Variants in PLCB4 observed in about 807,000 individuals in gnomAD.
PLCB4 encodes the protein phospholipase C beta 4.
A neutral mutation model predicts 178.8 loss-of-function variants in PLCB4; 77 were observed. The observed-to-expected ratio is 0.43, with a 90% CI of 0.36 to 0.52. PLCB4 has a LOEUF of 0.52. Among genes scored for constraint, PLCB4 ranks in the 20% least tolerant of loss-of-function variants. PLCB4 has a pLI of 0.00. For missense variants in PLCB4, 1,024 were observed against 1,453.4 expected (o/e 0.70, Z 4.80); for synonymous variants, 496 against 490.8 (o/e 1.01, Z -0.14).
At chr20:9,232,710 G>A (rs908471081) in intron 3 of PLCB4, among the ~76,000 whole-genome samples, 1 of 152,086 alleles carries the variant, frequency 6.6e-6, no homozygotes, top group Non-Finnish European at 1.5e-5. Context: ...TAGATCATAT[G>A]TTTATGTCAA....
intron 14 of PLCB4, among the ~76,000 whole-genome samples, chr20:9,386,537 T>G (rs1381435806): frequency 1.3e-5 from 2 of 152,140 alleles, no homozygotes; most frequent in Non-Finnish European, 2.9e-5. Context: ...ATTAACTGTC[T>G]TACTACTTCC....
chr20:9,097,452 G>A (rs890710005), intron 2 of PLCB4, among the ~76,000 whole-genome samples: 3 of 151,782 alleles, frequency 2.0e-5, no homozygotes, highest in Non-Finnish European at 2.9e-5. Flanking sequence ...GAGATTTGGG[G>A]GGTGTTTTAA....
chr20:9,256,113 C>A (rs1159277898), intron 3 of PLCB4, among the ~76,000 whole-genome samples: 6 of 152,076 alleles, frequency 3.9e-5, no homozygotes, highest in Non-Finnish European at 7.4e-5. Context: ...TCTGGAGGGG[C>A]AACTAAGGTT....
chr20:9,182,109 G>A (rs886588147), intron 2 of PLCB4, among the ~76,000 whole-genome samples: 8 of 152,192 alleles, frequency 5.3e-5, no homozygotes, highest in African/African-American at 1.9e-4. Context: ...CAAAAAATAA[G>A]TTTTGTATAA....
chr20:9,142,071 G>A (rs2092503908), intron 2 of PLCB4, among the ~76,000 whole-genome samples: 1 of 152,096 alleles, frequency 6.6e-6, no homozygotes, highest in South Asian at 2.1e-4. Flanking sequence ...GCAAGCAGAG[G>A]AAGTCATATC....
intron 7 of PLCB4, among the ~76,000 whole-genome samples, chr20:9,343,452 TA>T (rs2033459591): frequency 6.6e-6 from 1 of 152,180 alleles, no homozygotes; most frequent in African/African-American, 2.4e-5. Context: ...TAAGAGTCAA[TA>T]AAATATTATC....
chr20:9,249,056 C>G (rs1395798517), intron 3 of PLCB4, among the ~76,000 whole-genome samples: 1 of 152,162 alleles, frequency 6.6e-6, no homozygotes, highest in Admixed American at 6.5e-5. Flanking sequence ...GTCTTTCTTA[C>G]AATGTCATCT....
At chr20:9,400,454 T>C (rs1224158454) in intron 19 of PLCB4, among the ~76,000 whole-genome samples, 2 of 152,198 alleles carry the variant, frequency 1.3e-5, no homozygotes, top group Non-Finnish European at 2.9e-5. Context: ...TCATTCTCCT[T>C]TGTACTTTTA....
intron 36 of PLCB4, among the ~76,000 whole-genome samples, chr20:9,469,365 T>C (rs2044026218): frequency 6.6e-6 from 1 of 152,230 alleles, no homozygotes; most frequent in Non-Finnish European, 1.5e-5. Flanking sequence ...TGTCAGTCCG[T>C]TCTGGATGGG....
chr20:9,416,552 C>T (rs1465447086), intron 25 of PLCB4, among the ~76,000 whole-genome samples: 1 of 152,178 alleles, frequency 6.6e-6, no homozygotes, highest in Non-Finnish European at 1.5e-5. Context: ...GGGCTTCCCT[C>T]GGAGATGCAG....
intron 2 of PLCB4, among the ~76,000 whole-genome samples, chr20:9,110,045 T>A (rs930583763): frequency 1.1e-4 from 17 of 152,194 alleles, no homozygotes; most frequent in African/African-American, 3.9e-4. Flanking sequence ...TAGAGTTTTT[T>A]AAAATTATTA....
At chr20:9,242,725 G>A (rs2094079000) in intron 3 of PLCB4, among the ~76,000 whole-genome samples, 1 of 152,148 alleles carries the variant, frequency 6.6e-6, no homozygotes, top group African/African-American at 2.4e-5. Flanking sequence ...TAGAGTAGTG[G>A]TTTTCAAAGT....
intron 2 of PLCB4, among the ~76,000 whole-genome samples, chr20:9,153,536 G>A (rs1223089466): frequency 6.6e-6 from 1 of 152,122 alleles, no homozygotes; most frequent in Non-Finnish European, 1.5e-5. Flanking sequence ...CCATGATTCT[G>A]AGGCCTCCCT....
chr20:9,186,182 G>A (rs986324956), intron 2 of PLCB4, among the ~76,000 whole-genome samples: 3 of 152,162 alleles, frequency 2.0e-5, no homozygotes, highest in Non-Finnish European at 4.4e-5. Flanking sequence ...GACCTTGGAT[G>A]CCTGTTTTAA....
chr20:9,241,807 A>G (rs988920041), intron 3 of PLCB4, among the ~76,000 whole-genome samples: 2 of 152,208 alleles, frequency 1.3e-5, no homozygotes, highest in Non-Finnish European at 2.9e-5. Flanking sequence ...GACAATAAAC[A>G]TTTATTTTTG....
chr20:9,083,568 C>T (rs2090261374), intron 1 of PLCB4, among the ~76,000 whole-genome samples: 1 of 152,174 alleles, frequency 6.6e-6, no homozygotes, highest in Non-Finnish European at 1.5e-5. Context: ...GCATTGTGCC[C>T]TGGGCCTTCA....
chr20:9,080,368 C>CACAATT (rs1054762118), intron 1 of PLCB4, among the ~76,000 whole-genome samples: 1 of 152,178 alleles, frequency 6.6e-6, no homozygotes, highest in East Asian at 1.9e-4. Context: ...TTCTTCTTAC[C>CACAATT]TCCAAATTGT....
intron 3 of PLCB4, among the ~76,000 whole-genome samples, chr20:9,291,963 T>C (rs2094583632): frequency 6.6e-6 from 1 of 152,212 alleles, no homozygotes; most frequent in South Asian, 2.1e-4. Context: ...CAAAGATCTA[T>C]TTATAAAAGT....
chr20:9,367,005 G>A (rs1436131218), intron 9 of PLCB4, among the ~76,000 whole-genome samples: 5 of 152,208 alleles, frequency 3.3e-5, no homozygotes, highest in Admixed American at 1.3e-4. Flanking sequence ...GGCATGTGCT[G>A]TGGCTCCTGG....
Sources: gnomAD v4.1 joint callset for allele counts (sites outside exome capture counted in the v4.1 genomes callset) on GRCh38, gnomAD v4.1.1 for gene constraint, MANE v1.5 for transcripts, NCBI Gene and HGNC (gene_info 2026-07-23, HGNC 2026-07-21) for gene names.